Variants in RNF180 observed in about 807,000 individuals in gnomAD.
RNF180 encodes the protein E3 ubiquitin-protein ligase RNF180.
Under a neutral mutation model 59.2 loss-of-function variants are expected in RNF180, and 38 were observed. The observed-to-expected ratio is 0.64, with a 90% CI of 0.50 to 0.84. The LOEUF is 0.84. RNF180 is among the 40% of genes least tolerant of loss of function. The pLI, the probability that RNF180 is intolerant of heterozygous loss-of-function variation, is 0.00. For synonymous variants in RNF180, 262 were observed against 240.3 expected, an observed-to-expected ratio of 1.09 and a Z score of -0.84; for missense variants, 705 against 700.9, an observed-to-expected ratio of 1.01 and a Z score of -0.07.
At chr5:64,286,010 A>T (rs1742265670) in intron 5 of RNF180, among the ~76,000 whole-genome samples, 1 of 152,004 alleles carries the variant, frequency 6.6e-6, no homozygotes, top group African/African-American at 2.4e-5. Context: ...CCACCTGCTC[A>T]ACCCCCCCTT....
intron 1 of RNF180, among the ~76,000 whole-genome samples, chr5:64,193,460 CT>C (rs1374209789): frequency 6.6e-6 from 1 of 151,864 alleles, no homozygotes; most frequent in Non-Finnish European, 1.5e-5. Context: ...CTTAATAAAG[CT>C]TTTTTTAAAA....
chr5:64,360,887 T>C (rs1344667253), intron 7 of RNF180, among the ~76,000 whole-genome samples: 1 of 151,572 alleles, frequency 6.6e-6, no homozygotes, highest in Non-Finnish European at 1.5e-5. Flanking sequence ...ATGGAGTGTG[T>C]TACATGGGAG....
intron 7 of RNF180, among the ~76,000 whole-genome samples, chr5:64,356,270 A>G (rs189767536): frequency 6.6e-6 from 1 of 151,994 alleles, no homozygotes; most frequent in African/African-American, 2.4e-5. Context: ...AAAAAAAAAA[A>G]TAAATGTGGT....
upstream of RNF180, among the ~76,000 whole-genome samples, chr5:64,165,381 G>C (rs1335673791): frequency 2.0e-5 from 3 of 152,176 alleles, no homozygotes; most frequent in Non-Finnish European, 4.4e-5. Context: ...GCACAAGAAG[G>C]TAAGCAACGA....
Position 64,335,649 on chromosome 5 carries a change from A to G in RNF180, c.1579+5243A>G, listed in dbSNP as rs566007424. ...TCCATTGGTATAATTTTTTATTCCTATAGCAATACCATACTGTTTCAGTCA... is the reference window on the plus strand; with the variant it reads ...TCCATTGGTATAATTTTTTATTCCTGTAGCAATACCATACTGTTTCAGTCA... On this transcript the variant is annotated intron_variant, in intron 7 of 7. Coordinates refer to ENST00000389100, the MANE Select transcript of RNF180 (RefSeq NM_001113561.2). Among the ~76,000 whole-genome samples the G allele has an allele frequency of 1.5e-3, 226 of 152,186 alleles. 1 individual carries two copies. The highest frequency in any genetic ancestry group is 4.9e-3 in the African/African-American group (205 of 41,536).
chr5:64,352,210 C>T (rs1745843633), intron 7 of RNF180, among the ~76,000 whole-genome samples: 1 of 152,042 alleles, frequency 6.6e-6, no homozygotes, highest in Non-Finnish European at 1.5e-5. Flanking sequence ...ATAGTATTCT[C>T]TGATGGTAGT....
intron 1 of RNF180, among the ~76,000 whole-genome samples, chr5:64,182,961 C>A (rs1220082597): frequency 6.6e-6 from 1 of 152,132 alleles, no homozygotes; most frequent in East Asian, 1.9e-4. Flanking sequence ...CATCTCGGAG[C>A]TAGTTGCTGC....
chr5:64,228,355 A>C (rs1741899154), intron 5 of RNF180, among the ~76,000 whole-genome samples: 1 of 152,038 alleles, frequency 6.6e-6, no homozygotes, highest in African/African-American at 2.4e-5. Flanking sequence ...TCTCTACAAA[A>C]AATGTATACT....
At chr5:64,347,533 A>G (rs1174516296) in intron 7 of RNF180, among the ~76,000 whole-genome samples, 1 of 152,172 alleles carries the variant, frequency 6.6e-6, no homozygotes, top group South Asian at 2.1e-4. Context: ...AGCTACTACC[A>G]TGATTTACCA....
chr5:64,264,237 A>C (rs1405230990), intron 5 of RNF180, among the ~76,000 whole-genome samples: 1 of 152,062 alleles, frequency 6.6e-6, no homozygotes, highest in African/African-American at 2.4e-5. Context: ...TTATTTCTTT[A>C]AGTTCTGGGA....
At chr5:64,351,676 C>G (rs1415887714) in intron 7 of RNF180, among the ~76,000 whole-genome samples, 1 of 151,536 alleles carries the variant, frequency 6.6e-6, no homozygotes, top group Non-Finnish European at 1.5e-5. Flanking sequence ...TGGTTTTTGT[C>G]TTTGGTTCTG....
At chr5:64,337,015 G>GTTTTTA in intron 7 of RNF180, among the ~76,000 whole-genome samples, 1 of 144,224 alleles carries the variant, frequency 6.9e-6, no homozygotes, top group Non-Finnish European at 1.5e-5. Flanking sequence ...TTTTTTTTTT[G>GTTTTTA]TTTTTGTTTT....
chr5:64,318,679 T>C (rs1397634110), intron 5 of RNF180, among the ~76,000 whole-genome samples: 2 of 152,080 alleles, frequency 1.3e-5, no homozygotes, highest in Non-Finnish European at 2.9e-5. Context: ...TAGTTAAAAG[T>C]GGGATTATAG....
At chr5:64,322,602 C>CGTGTGTGTGTGT (rs76117470) in intron 5 of RNF180, among the ~76,000 whole-genome samples, 5,190 of 143,430 alleles carry the variant, frequency 0.036, 185 homozygotes, top group East Asian at 0.15. Context: ...TATATATATA[C>CGTGTGTGTGTGT]GTGTGTGTGT....
intron 5 of RNF180, among the ~76,000 whole-genome samples, chr5:64,306,675 C>T (rs990403824): frequency 8.6e-5 from 13 of 151,474 alleles, no homozygotes; most frequent in East Asian, 1.9e-4. Flanking sequence ...TCCTTTGTAG[C>T]GACATGGATG....
At chr5:64,357,778 A>G (rs770380093) in intron 7 of RNF180, among the ~76,000 whole-genome samples, 3 of 151,880 alleles carry the variant, frequency 2.0e-5, no homozygotes, top group Admixed American at 6.6e-5. Context: ...TTGATGGCGA[A>G]TATAAATTCG....
intron 5 of RNF180, among the ~76,000 whole-genome samples, chr5:64,230,858 C>A (rs1048522654): frequency 6.6e-6 from 1 of 152,152 alleles, no homozygotes. Context: ...TTATTCACTT[C>A]TCTAGTTTTT....
At chr5:64,191,981 A>G (rs1054766202) in intron 1 of RNF180, among the ~76,000 whole-genome samples, 2 of 152,098 alleles carry the variant, frequency 1.3e-5, no homozygotes, top group African/African-American at 4.8e-5. Context: ...GGTGTAAGAT[A>G]GGGGTCCAAT....
Position 64,369,824 on chromosome 5 carries a change from A to G in RNF180, c.*10A>G, listed in dbSNP as rs1746598784. On this transcript the variant is annotated 3_prime_UTR_variant, in exon 8 of 8. Transcript: ENST00000389100. ...TTTCTTTCCGTTTTAGGAATTTCAT[A>G]CCTTACTACAATTGACCAATCATAA... 3 of 1,398,684 alleles carry G rather than the reference A, an allele frequency of 2.1e-6. No individual in the cohort carries two copies. Among genetic ancestry groups the G allele is most frequent in the Non-Finnish European group, 2.9e-6 (3 of 1,049,716 alleles). The allele number at this position is 1,398,684 out of a possible 1,614,324, so 86.6% of individuals were successfully genotyped here.
Sources: allele counts gnomAD v4.1 joint callset (sites outside exome capture counted in the v4.1 genomes callset), GRCh38; gene constraint gnomAD v4.1.1; transcripts MANE v1.5; gene names NCBI Gene and HGNC (gene_info 2026-07-23, HGNC 2026-07-21).